SMC1A: variants seen among roughly 807,000 people sequenced by gnomAD.
SMC1A encodes the protein structural maintenance of chromosomes protein 1A.
Under a neutral mutation model 94.5 loss-of-function variants are expected in SMC1A, and 4 were observed. That is an observed-to-expected ratio of 0.04 (90% CI 0.02 to 0.10). The LOEUF is 0.10. SMC1A is among the 10% of genes least tolerant of loss of function. The pLI, the probability that SMC1A is intolerant of heterozygous loss-of-function variation, is 1.00. For missense variants in SMC1A, 304 were observed against 989.0 expected, an observed-to-expected ratio of 0.31 and a Z score of 9.29; for synonymous variants, 345 against 347.7, an observed-to-expected ratio of 0.99 and a Z score of 0.09.
rs1556888061 is a variant in SMC1A, at chrX:53,396,543, G to A, written c.2637C>T (p.Ala879=). The A allele has an allele frequency of 8.3e-7, 1 of 1,209,948 alleles. No homozygotes were observed. Among genetic ancestry groups the A allele is most frequent in the East Asian group, 3.0e-5 (1 of 33,839 alleles). Reference sequence around the variant, plus strand: ...TCTTGTCATTCACTTCCGACTTCTTGGCCAGATGCTGATTCTTCAGGTCTT... The same window carrying A: ...TCTTGTCATTCACTTCCGACTTCTTAGCCAGATGCTGATTCTTCAGGTCTT... The part of the protein sequence containing the change: ...QLQDLKNQHL[A]KKSEVNDKNH... Residue 879 remains alanine, a synonymous_variant, in exon 17 of 25, where the codon GCC becomes GCT. Coordinates refer to ENST00000322213, the MANE Select transcript of SMC1A (RefSeq NM_006306.4).
At chrX:53,407,546 G>A (rs994631822) in intron 9 of SMC1A, among the ~76,000 whole-genome samples, 1 of 111,672 alleles carries the variant, frequency 9.0e-6, no homozygotes, top group Non-Finnish European at 1.9e-5. Flanking sequence ...TAAATTAATC[G>A]AACCCAGGGA....
chrX:53,378,794 A>G lies in SMC1A; in HGVS notation c.*1309T>C. 8.9e-6 allele frequency: 1 copy of G among 112,466 alleles called. No homozygotes were observed. Among genetic ancestry groups the G allele is most frequent in the South Asian group, 3.6e-4 (1 of 2,748 alleles). 9.3% of individuals were successfully genotyped at this position (112,466 alleles called of 1,213,427 possible). A position where few individuals can be genotyped will look rare whatever the true frequency, so the allele number is the denominator to read the frequency against. ...CTGCCTCTGCATGATCCTTATAGCT[A>G]ATGAGGTTAGTTCCTAAAATGAACC... On this transcript the variant is annotated 3_prime_UTR_variant, in exon 25 of 25. Transcript: ENST00000322213.
At chrX:53,413,494 C>T (rs377490153) in intron 3 of SMC1A, 59 bp from the exon 4 acceptor site, 1 of 1,045,531 alleles carries the variant, frequency 9.6e-7, no homozygotes, top group East Asian at 3.0e-5. Flanking sequence ...TTCACCTTAC[C>T]CATTTCCACT....
chrX:53,387,358 A>G (rs2075608886), intron 19 of SMC1A, among the ~76,000 whole-genome samples: 1 of 112,157 alleles, frequency 8.9e-6, no homozygotes, highest in Non-Finnish European at 1.9e-5. Context: ...GATAAAGTAA[A>G]TGTGTTATTA....
At chrX:53,401,685 C>T (rs1399259491) in intron 15 of SMC1A, among the ~76,000 whole-genome samples, 2 of 110,736 alleles carry the variant, frequency 1.8e-5, no homozygotes. Context: ...GCAAGACTCT[C>T]TCAGGGATAT....
chrX:53,393,200 T>C (rs936978580), intron 19 of SMC1A, among the ~76,000 whole-genome samples: 1 of 110,644 alleles, frequency 9.0e-6, no homozygotes, highest in Non-Finnish European at 1.9e-5. Flanking sequence ...TACCAGTTTA[T>C]AGGAAATACA....
Position 53,392,457 on chromosome X carries a change from C to T in SMC1A, c.2973+2321G>A, listed in dbSNP as rs188080272. 2.7e-3 allele frequency among the ~76,000 whole-genome samples: 300 copies of T among 110,664 alleles called. 1 individual carries two copies. The highest frequency in any genetic ancestry group is 6.2e-3 in the Admixed American group (65 of 10,452). ...GGATTTGGTTAACTACATCCCTGTG[C>T]ATTTTTTTTTGAGACGGAGTTTTGC... On this transcript the variant is annotated intron_variant, in intron 19 of 24. Coordinates refer to ENST00000322213, the MANE Select transcript of SMC1A (RefSeq NM_006306.4).
chrX:53,400,522 C>T (rs781789618), intron 15 of SMC1A, among the ~76,000 whole-genome samples: 2 of 111,985 alleles, frequency 1.8e-5, no homozygotes, highest in African/African-American at 6.5e-5. Flanking sequence ...ATTTTAGTTA[C>T]CATTATCACC....
At chrX:53,404,426 A>T (rs914366300) in intron 13 of SMC1A, among the ~76,000 whole-genome samples, 2 of 110,026 alleles carry the variant, frequency 1.8e-5, no homozygotes, top group Non-Finnish European at 3.8e-5. Context: ...CACATAACAT[A>T]AACTGAACAC....
rs1259383708 is a variant in SMC1A at position 53,380,150 on chromosome X, C to T, written c.3655G>A (p.Asp1219Asn). The T allele has an allele frequency of 5.8e-6, 7 of 1,205,578 alleles. No homozygotes were observed. Among genetic ancestry groups the T allele is most frequent in the African/African-American group, 5.3e-5 (3 of 56,541 alleles). Residue 1219 changes from aspartate (D) to asparagine (N), a missense_variant, in exon 25 of 25, where the codon GAC becomes AAC. By Grantham distance (23) the Asp-to-Asn change is conservative (BLOSUM62 1). This residue lies in a region of SMC1A where 24 missense variants were observed against 43.5 expected (regional missense o/e 0.55). Transcript: ENST00000322213. ...DCVISKVLTF[D>N]LTKYPDANPN... ...TTGGCATCTGGGTACTTGGTGAGGT[C>T]GAAGGTCAGGACTTTGCTGATCACA...
intron 5 of SMC1A, among the ~76,000 whole-genome samples, chrX:53,412,652 T>C (rs1240200038): frequency 1.8e-5 from 2 of 112,217 alleles, no homozygotes; most frequent in South Asian, 3.7e-4. Context: ...GGTTCCTCTT[T>C]CTTGGCAAGG....
chrX:53,415,570 G>C (rs1238244325), intron 1 of SMC1A, among the ~76,000 whole-genome samples: 5 of 109,798 alleles, frequency 4.6e-5, no homozygotes, highest in African/African-American at 6.6e-5. Flanking sequence ...GGGAGGCTGA[G>C]GCAGGAGAAT....
At chrX:53,410,726 G>C (rs940202428) in intron 7 of SMC1A, among the ~76,000 whole-genome samples, 2 of 106,109 alleles carry the variant, frequency 1.9e-5, no homozygotes, top group Non-Finnish European at 3.9e-5. Context: ...GCTTGAACTT[G>C]GGAGACAGAG....
intron 19 of SMC1A, among the ~76,000 whole-genome samples, chrX:53,383,476 T>C (rs1396020954): frequency 1.4e-4 from 16 of 112,014 alleles, no homozygotes; most frequent in Admixed American, 1.1e-3. Context: ...CTAGCTGCTT[T>C]CTAATCTCTA....
At position 53,415,183 on chromosome X, in the gene SMC1A, G is replaced by A. The variant is rs782574762; in HGVS notation, c.110-14C>T. ...GATTTGACTTACCTAAGGGAAGAGG[G>A]ACGAGGCAGTAGAGGGAAAGTCAGG... On this transcript the variant is annotated splice_polypyrimidine_tract_variant and intron_variant, in intron 1 of 24. Coordinates refer to ENST00000322213, the MANE Select transcript of SMC1A (RefSeq NM_006306.4). The A allele has an allele frequency of 5.0e-6, 6 of 1,190,627 alleles. No individual in the cohort carries two copies. The highest frequency in any genetic ancestry group is 6.8e-6 in the Non-Finnish European group (6 of 878,519).
chrX:53,383,322 G>A, intron 19 of SMC1A, 69 bp from the exon 20 acceptor site: 1 of 1,071,200 alleles, frequency 9.3e-7, no homozygotes, highest in Admixed American at 2.6e-5. Flanking sequence ...ACCGAAAGAT[G>A]ACTGACTGAG....
chrX:53,394,762 T>G lies in SMC1A; in HGVS notation c.2973+16A>C. ...CCAACCCCCACCCCCACCACACCCCTGTGGTTGATCCTCACCTTCAGATCC... is the reference window on the plus strand; with the variant it reads ...CCAACCCCCACCCCCACCACACCCCGGTGGTTGATCCTCACCTTCAGATCC... On this transcript the variant is annotated intron_variant, in intron 19 of 24. Coordinates refer to ENST00000322213, the MANE Select transcript of SMC1A (RefSeq NM_006306.4). 8 of 150,814 alleles carry G rather than the reference T, an allele frequency of 5.3e-5. No homozygotes were observed. The highest frequency in any genetic ancestry group is 1.8e-4 in the African/African-American group (1 of 5,564). The allele number at this position is 150,814 out of a possible 1,213,427, so 12.4% of individuals were successfully genotyped here.
chrX:53,418,913 T>C (rs1385954716), intron 1 of SMC1A, among the ~76,000 whole-genome samples: 1 of 108,713 alleles, frequency 9.2e-6, no homozygotes, highest in Non-Finnish European at 1.9e-5. Context: ...CACGGTTGTG[T>C]GCCTATAATC....
chrX:53,395,871 T>C (rs2075649087), intron 18 of SMC1A, among the ~76,000 whole-genome samples: 1 of 111,042 alleles, frequency 9.0e-6, no homozygotes, highest in East Asian at 2.8e-4. Context: ...TTGGCTAATG[T>C]CCCTCAATTC....
Sources: allele counts gnomAD v4.1 joint callset (sites outside exome capture counted in the v4.1 genomes callset), GRCh38; gene constraint gnomAD v4.1.1; regional missense constraint gnomAD v4.1.1; transcripts MANE v1.5; gene names NCBI Gene and HGNC (gene_info 2026-07-23, HGNC 2026-07-21).